Variants in DOCK4 observed in about 807,000 individuals in gnomAD.
DOCK4 encodes dedicator of cytokinesis protein 4.
Under a neutral mutation model 268.1 loss-of-function variants are expected in DOCK4, and 97 were observed. The observed-to-expected ratio is 0.36, with a 90% confidence interval of 0.31 to 0.43. The LOEUF (loss-of-function observed/expected upper bound fraction) is 0.43. Ranked by LOEUF, DOCK4 falls within the 20% of genes least tolerant of loss-of-function variation. The probability of loss-of-function intolerance (pLI) is 1.00; values close to 1 mark genes in which losing one functional copy is unlikely to be tolerated. For missense variants in DOCK4, 2,145 were observed against 2,455.7 expected (o/e 0.87, Z 2.67); for synonymous variants, 954 against 887.2 (o/e 1.08, Z -1.34).
intron 36 of DOCK4, among the ~76,000 whole-genome samples, chr7:111,775,637 GA>G (rs1206186777): frequency 1.3e-5 from 2 of 152,212 alleles, no homozygotes; most frequent in Non-Finnish European, 2.9e-5. Context: ...AAAGCTCCAA[GA>G]AAAGTCCCTT....
intron 7 of DOCK4, among the ~76,000 whole-genome samples, chr7:111,983,863 C>CACACACACAG (rs1562961266): frequency 4.0e-5 from 3 of 75,444 alleles, no homozygotes; most frequent in African/African-American, 1.6e-4. Flanking sequence ...CGCGCGCGCG[C>CACACACACAG]ACACACACAC....
chr7:111,820,634 C>A (rs1298895832), intron 27 of DOCK4: 1 of 152,118 alleles, frequency 6.6e-6, no homozygotes, highest in Admixed American at 6.5e-5. Flanking sequence ...TATTTAATAT[C>A]AAAAAGCCAC....
At chr7:111,855,931 C>T (rs1804970490) in intron 23 of DOCK4, among the ~76,000 whole-genome samples, 1 of 152,114 alleles carries the variant, frequency 6.6e-6, no homozygotes, top group African/African-American at 2.4e-5. Flanking sequence ...CTGGATATTA[C>T]AGGCTACTCA....
chr7:111,872,145 T>C, intron 19 of DOCK4, 55 bp from the exon 20 acceptor site: 1 of 1,447,648 alleles, frequency 6.9e-7, no homozygotes, highest in South Asian at 1.3e-5. Flanking sequence ...GGTTTTCCTT[T>C]TTTTTTTGCT....
At chr7:111,776,914 A>G (rs1398565662) in intron 36 of DOCK4, among the ~76,000 whole-genome samples, 2 of 152,114 alleles carry the variant, frequency 1.3e-5, no homozygotes, top group Non-Finnish European at 2.9e-5. Flanking sequence ...TCTGCCTCCC[A>G]GGCTCAAGTG....
Position 111,728,651 on chromosome 7 carries a change from C to A in DOCK4, c.5551G>T (p.Val1851Phe). The part of the protein sequence containing the change: ...HSPGLISNSP[V>F]LSGSYSSGIS... ...CCACTGCTGTAGCTGCCCGACAAGA[C>A]AGGGGAGTTGGAGATGAGTCCTGGC... The change falls in exon 53 of 53, where the codon GTC becomes TTC. Residue 1851 changes from valine to phenylalanine, a missense_variant. Val to Phe is a conservative substitution (Grantham distance 50). Coordinates refer to ENST00000428084, the MANE Select transcript of DOCK4 (RefSeq NM_001363540.2). 6.2e-7 allele frequency: 1 copy of A among 1,614,012 alleles called. No homozygotes were observed. The highest frequency in any genetic ancestry group is 8.5e-7 in the Non-Finnish European group (1 of 1,179,906).
intron 8 of DOCK4, chr7:111,971,645 G>A: frequency 4.4e-6 from 1 of 228,132 alleles, no homozygotes; most frequent in Admixed American, 5.7e-5. Flanking sequence ...CATCCCCTTT[G>A]CCACAGCTTT....
intron 1 of DOCK4, among the ~76,000 whole-genome samples, chr7:112,156,336 G>T (rs1485335650): frequency 2.6e-5 from 4 of 152,142 alleles, no homozygotes; most frequent in Non-Finnish European, 5.9e-5. Flanking sequence ...ATAATTTCAT[G>T]AACAATCTAT....
chr7:111,733,866 C>G lies in DOCK4; in HGVS notation c.5419+1188G>C, dbSNP rs1585814810. ...GTTATTTCTTGTTTTCTTTGAAGAC[C>G]TCATATGTCTCTCAAAAATTATTGG... On this transcript the variant is annotated intron_variant, in intron 51 of 52. Coordinates refer to ENST00000428084, the MANE Select transcript of DOCK4 (RefSeq NM_001363540.2). Among the ~76,000 whole-genome samples the G allele has an allele frequency of 7.2e-5, 11 of 152,086 alleles. 1 individual carries two copies. The highest frequency in any genetic ancestry group is 7.2e-4 in the Admixed American group (11 of 15,266).
intron 42 of DOCK4, among the ~76,000 whole-genome samples, chr7:111,754,207 C>T (rs894198313): frequency 2.6e-5 from 4 of 152,228 alleles, no homozygotes; most frequent in African/African-American, 9.6e-5. Context: ...CAGGGCACAA[C>T]ATGTAAGCAG....
At chr7:111,860,404 C>T (rs1805409050) in intron 23 of DOCK4, among the ~76,000 whole-genome samples, 1 of 152,228 alleles carries the variant, frequency 6.6e-6, no homozygotes, top group Non-Finnish European at 1.5e-5. Context: ...TTATACATCA[C>T]AGTCTCTGTT....
intron 27 of DOCK4, among the ~76,000 whole-genome samples, chr7:111,813,834 G>T (rs1781328031): frequency 6.6e-6 from 1 of 152,184 alleles, no homozygotes; most frequent in South Asian, 2.1e-4. Flanking sequence ...ATATGAAACT[G>T]AAGCTGAATC....
intron 1 of DOCK4, among the ~76,000 whole-genome samples, chr7:112,035,383 A>T (rs1205852844): frequency 1.3e-5 from 2 of 152,198 alleles, no homozygotes; most frequent in African/African-American, 4.8e-5. Context: ...ATAACCCCAG[A>T]AACATAAGAA....
At chr7:111,952,472 C>T (rs1796129395) in intron 8 of DOCK4, among the ~76,000 whole-genome samples, 1 of 152,108 alleles carries the variant, frequency 6.6e-6, no homozygotes. Context: ...TGACATTTTA[C>T]ATGAAATATA....
chr7:111,955,767 GTTACCA>G, intron 8 of DOCK4, among the ~76,000 whole-genome samples: 1 of 152,290 alleles, frequency 6.6e-6, no homozygotes, highest in East Asian at 1.9e-4. Context: ...CTTCTGTGCT[GTTACCA>G]GATTAAGCAA....
At chr7:111,897,440 G>A (rs551523329) in intron 15 of DOCK4, among the ~76,000 whole-genome samples, 42 of 151,620 alleles carry the variant, frequency 2.8e-4, no homozygotes, top group South Asian at 2.3e-3. Flanking sequence ...CCCATCCTTC[G>A]ACTCCCCTTT....
rs778756157 is a variant in DOCK4, at chr7:111,863,416, T to C, written c.2429A>G (p.Gln810Arg). Residue 810 changes from glutamine to arginine, a missense_variant, in exon 23 of 53, where the codon CAG becomes CGG. Around this residue, in one of 2 missense-constraint regions of DOCK4, gnomAD observed 1,598 missense variants for 1,986.7 expected, o/e 0.80. Coordinates refer to ENST00000428084, the MANE Select transcript of DOCK4 (RefSeq NM_001363540.2). ...VDDSLQAIKL[Q>R]CIGKTVESQL... ...GCTTTCCACGGTTTTGCCAATGCAC[T>C]GCAGTTTGATGGCCTGCAGGGAATC... 2.5e-6 allele frequency: 4 copies of C among 1,614,030 alleles called. No individual in the cohort carries two copies. The highest frequency in any genetic ancestry group is 2.2e-5 in the East Asian group (1 of 44,884).
chr7:112,064,520 T>C lies in DOCK4; in HGVS notation c.38-60389A>G, dbSNP rs976128013. The stretch of plus-strand genomic sequence containing the variant: ...AGTTTGCAGGGACACTAAGTCTCTG[T>C]TTTGTTTAGGGTTATTTCAATCCAA... On this transcript the variant is annotated intron_variant, in intron 1 of 52. Transcript: ENST00000428084. 8.5e-5 allele frequency among the ~76,000 whole-genome samples: 13 copies of C among 152,284 alleles called. 1 individual carries two copies. The South Asian group carries it at 2.1e-3, about 24-fold the overall frequency.
chr7:111,928,034 CCT>C (rs1229599226), intron 12 of DOCK4, among the ~76,000 whole-genome samples: 3 of 152,168 alleles, frequency 2.0e-5, no homozygotes, highest in African/African-American at 4.8e-5. Flanking sequence ...TCTACAACTC[CCT>C]GTTCTTCATC....
Sources: allele counts gnomAD v4.1 joint callset (sites outside exome capture counted in the v4.1 genomes callset), GRCh38; gene constraint gnomAD v4.1.1; regional missense constraint gnomAD v4.1.1; transcripts MANE v1.5; gene names NCBI Gene and HGNC (gene_info 2026-07-23, HGNC 2026-07-21).